Variants in BLTP1 observed in about 807,000 individuals in gnomAD.
BLTP1 encodes the protein bridge-like lipid transfer protein family member 1.
chr4:122,219,357 A>C, the BLTP1 span: 1 of 1,613,420 alleles, frequency 6.2e-7, no homozygotes, highest in Non-Finnish European at 8.5e-7. Flanking sequence ...ACTTTGGGGA[A>C]GATGACATGT....
the BLTP1 span, chr4:122,281,556 A>G: frequency 6.3e-7 from 1 of 1,599,384 alleles, no homozygotes. Flanking sequence ...GTAAAAGAAG[A>G]TATTGCAACC....
the BLTP1 span, among the ~76,000 whole-genome samples, chr4:122,212,232 C>T: frequency 5.3e-5 from 8 of 152,070 alleles, no homozygotes; most frequent in African/African-American, 1.9e-4. Context: ...TACCATAAAT[C>T]ATCAGATGAT....
At chr4:122,235,424 GC>G in the BLTP1 span, 1 of 971,572 alleles carries the variant, frequency 1.0e-6, no homozygotes, top group South Asian at 4.8e-5. Context: ...TATACTGTTG[GC>G]CCCCATGTTA....
At chr4:122,247,937 A>G in the BLTP1 span, 1 of 985,032 alleles carries the variant, frequency 1.0e-6, no homozygotes, top group Non-Finnish European at 1.2e-6. Flanking sequence ...AATTCAGAAA[A>G]AGTTAGATTT....
the BLTP1 span, among the ~76,000 whole-genome samples, chr4:122,234,470 C>T: frequency 6.6e-6 from 1 of 151,128 alleles, no homozygotes; most frequent in African/African-American, 2.4e-5. Flanking sequence ...TAAAACTGGA[C>T]TTAAATGTCT....
chr4:122,205,785 TAC>T, the BLTP1 span: 44,982 of 147,274 alleles, frequency 0.31, 6,936 homozygotes, highest in East Asian at 0.41. Context: ...CTCTGTCACA[TAC>T]ACACACACAC....
At chr4:122,198,491 A>G in the BLTP1 span, 3 of 946,568 alleles carry the variant, frequency 3.2e-6, no homozygotes, top group Middle Eastern at 5.3e-4. Flanking sequence ...AACTGATGAT[A>G]CACATAGGAA....
chr4:122,268,065 C>CTTGTTCA, the BLTP1 span, among the ~76,000 whole-genome samples: 9 of 151,698 alleles, frequency 5.9e-5, no homozygotes, highest in Non-Finnish European at 1.0e-4. Context: ...TAACAATGAC[C>CTTGTTCA]GTACAAGCTG....
the BLTP1 span, chr4:122,161,328 CTT>C: frequency 5.6e-5 from 9 of 160,098 alleles, no homozygotes; most frequent in Non-Finnish European, 1.0e-4. Context: ...TGTTTCTTTA[CTT>C]TTTTTTGGCA....
At chr4:122,207,236 T>A in the BLTP1 span, 1 of 1,610,798 alleles carries the variant, frequency 6.2e-7, no homozygotes, top group Non-Finnish European at 8.5e-7. Flanking sequence ...CACAATTGGA[T>A]CGACTGTTCT....
chr4:122,242,889 A>G, the BLTP1 span: 1 of 708,790 alleles, frequency 1.4e-6, no homozygotes, highest in African/African-American at 1.8e-5. Context: ...TGTTTATATC[A>G]AATATATCAA....
At chr4:122,319,892 G>C in the BLTP1 span, among the ~76,000 whole-genome samples, 16,011 of 151,994 alleles carry the variant, frequency 0.11, 1,119 homozygotes, top group Non-Finnish European at 0.16. Flanking sequence ...TCCAGAATGT[G>C]GTCTCTCTTG....
At chr4:122,336,706 G>A in the BLTP1 span, 1 of 917,202 alleles carries the variant, frequency 1.1e-6, no homozygotes. Context: ...ATTTGAGTTT[G>A]GGGGAATGAG....
the BLTP1 span, chr4:122,325,175 C>A: frequency 6.7e-7 from 1 of 1,501,292 alleles, no homozygotes; most frequent in Non-Finnish European, 9.1e-7. Context: ...TTATAAAGTC[C>A]AGGAATTTTT....
At chr4:122,321,682 T>A in the BLTP1 span, among the ~76,000 whole-genome samples, 296 of 152,118 alleles carry the variant, frequency 1.9e-3, no homozygotes, top group Non-Finnish European at 3.6e-3. Context: ...CTTCCTTTTT[T>A]AAATAGAGAT....
At chr4:122,316,693 T>A in the BLTP1 span, 3 of 1,584,700 alleles carry the variant, frequency 1.9e-6, no homozygotes, top group Non-Finnish European at 2.6e-6. Flanking sequence ...GCTGTGTGAC[T>A]TGAGGGTGGT....
the BLTP1 span, chr4:122,210,005 T>C: frequency 2.0e-6 from 3 of 1,515,406 alleles, no homozygotes; most frequent in Non-Finnish European, 2.7e-6. Flanking sequence ...GCAAATAAAT[T>C]GAAATGCATC....
chr4:122,297,104 A>G, the BLTP1 span, among the ~76,000 whole-genome samples: 2 of 152,234 alleles, frequency 1.3e-5, 1 homozygote, highest in Admixed American at 1.3e-4. Context: ...GCTTCTGCAC[A>G]GCAAAAGAAA....
the BLTP1 span, chr4:122,337,105 T>A: frequency 7.8e-7 from 1 of 1,287,570 alleles, no homozygotes; most frequent in Non-Finnish European, 1.1e-6. Context: ...TATTACTGTT[T>A]AAAAGTTTTC....
Sources: allele counts gnomAD v4.1 joint callset (sites outside exome capture counted in the v4.1 genomes callset), GRCh38; gene constraint gnomAD v4.1.1; transcripts MANE v1.5; gene names NCBI Gene and HGNC (gene_info 2026-07-23, HGNC 2026-07-21).